The following PLCB1 variants were observed in gnomAD, a reference collection of about 807,000 sequenced individuals.
The protein encoded by PLCB1 is 1-phosphatidylinositol 4,5-bisphosphate phosphodiesterase beta-1.
In PLCB1, 46 loss-of-function variants were observed where a neutral mutation model predicts 161.8. That is an observed-to-expected ratio of 0.28 (90% CI 0.22 to 0.36). The LOEUF is 0.36. Among genes scored for constraint, PLCB1 ranks in the 10% least tolerant of loss-of-function variants. PLCB1 has a pLI of 1.00. For missense variants in PLCB1, 1,016 were observed against 1,472.5 expected (o/e 0.69, Z 5.07); for synonymous variants, 517 against 503.7 (o/e 1.03, Z -0.35).
intron 3 of PLCB1, among the ~76,000 whole-genome samples, chr20:8,470,969 GA>G (rs1236765516): frequency 6.6e-6 from 1 of 151,390 alleles, no homozygotes; most frequent in Non-Finnish European, 1.5e-5. Context: ...ATTGCAATGA[GA>G]AAAAAAAGAA....
intron 31 of PLCB1, among the ~76,000 whole-genome samples, chr20:8,829,095 G>A (rs1208684581): frequency 6.6e-6 from 1 of 152,136 alleles, no homozygotes. Flanking sequence ...GTATATGGGT[G>A]TCCACTGTAA....
intron 2 of PLCB1, among the ~76,000 whole-genome samples, chr20:8,297,877 T>C (rs978665063): frequency 2.0e-5 from 3 of 149,466 alleles, no homozygotes; most frequent in African/African-American, 7.4e-5. Context: ...ACCACCTTAG[T>C]AGATTTCTTT....
At chr20:8,805,229 A>G (rs1285506542) in intron 31 of PLCB1, among the ~76,000 whole-genome samples, 2 of 152,180 alleles carry the variant, frequency 1.3e-5, no homozygotes, top group Non-Finnish European at 2.9e-5. Flanking sequence ...TAAGTAGGTG[A>G]GTTATACTTT....
At chr20:8,668,108 A>G (rs1989858677) in intron 9 of PLCB1, among the ~76,000 whole-genome samples, 1 of 152,036 alleles carries the variant, frequency 6.6e-6, no homozygotes. Flanking sequence ...AATGTGATAC[A>G]ACAGATAAGT....
At chr20:8,303,264 G>A (rs189148883) in intron 2 of PLCB1, among the ~76,000 whole-genome samples, 4 of 152,172 alleles carry the variant, frequency 2.6e-5, no homozygotes, top group African/African-American at 9.7e-5. Context: ...TAAAGGTCAT[G>A]ATTTTATCTC....
intron 3 of PLCB1, among the ~76,000 whole-genome samples, chr20:8,553,808 C>G (rs1351118494): frequency 6.6e-6 from 1 of 151,956 alleles, no homozygotes; most frequent in East Asian, 1.9e-4. Context: ...CAAGACCATC[C>G]TAGCCAACGT....
chr20:8,200,088 A>C (rs1315566046), intron 2 of PLCB1, among the ~76,000 whole-genome samples: 2 of 151,948 alleles, frequency 1.3e-5, no homozygotes, highest in African/African-American at 4.8e-5. Context: ...ATTCATTGTC[A>C]CTCATTTGCA....
At chr20:8,758,040 C>T (rs956746961) in intron 24 of PLCB1, among the ~76,000 whole-genome samples, 1 of 151,594 alleles carries the variant, frequency 6.6e-6, no homozygotes, top group Non-Finnish European at 1.5e-5. Context: ...CTCCTCTGTA[C>T]ATCACACAGT....
intron 11 of PLCB1, among the ~76,000 whole-genome samples, chr20:8,704,526 A>G (rs542930702): frequency 1.3e-5 from 2 of 152,346 alleles, no homozygotes; most frequent in African/African-American, 4.8e-5. Context: ...ACAAAATTAC[A>G]TTTATCTTTG....
At chr20:8,858,152 C>T (rs35900117) in intron 31 of PLCB1, among the ~76,000 whole-genome samples, 20,204 of 152,060 alleles carry the variant, frequency 0.13, 1,580 homozygotes, top group South Asian at 0.23. Context: ...TTAACTACCC[C>T]AGGATCTGAA....
intron 2 of PLCB1, among the ~76,000 whole-genome samples, chr20:8,353,086 C>G (rs1424320248): frequency 2.6e-5 from 4 of 152,032 alleles, no homozygotes; most frequent in Non-Finnish European, 5.9e-5. Flanking sequence ...ATAAAAGGAA[C>G]TAGGGCTCTT....
chr20:8,732,304 T>A (rs892991037), intron 18 of PLCB1: 1 of 152,060 alleles, frequency 6.6e-6, no homozygotes, highest in African/African-American at 2.4e-5. Flanking sequence ...CTTAGTAGTA[T>A]AAGCTGGTTT....
At chr20:8,800,896 A>G (rs1250130363) in intron 31 of PLCB1, among the ~76,000 whole-genome samples, 1 of 152,138 alleles carries the variant, frequency 6.6e-6, no homozygotes, top group African/African-American at 2.4e-5. Context: ...CAATCACTTT[A>G]GTCAAAGCCT....
chr20:8,850,025 G>A (rs1325607662), intron 31 of PLCB1, among the ~76,000 whole-genome samples: 2 of 152,088 alleles, frequency 1.3e-5, no homozygotes, highest in Non-Finnish European at 2.9e-5. Flanking sequence ...ATAAAAAAAA[G>A]AACGAAGCAG....
intron 11 of PLCB1, among the ~76,000 whole-genome samples, chr20:8,707,876 T>C (rs1372852609): frequency 6.6e-6 from 1 of 152,216 alleles, no homozygotes; most frequent in African/African-American, 2.4e-5. Flanking sequence ...TGTTACAACA[T>C]GGATGAACTT....
chr20:8,660,255 C>A (rs1044252916), intron 9 of PLCB1, among the ~76,000 whole-genome samples: 1 of 152,030 alleles, frequency 6.6e-6, no homozygotes, highest in African/African-American at 2.4e-5. Flanking sequence ...AAATAGGTTG[C>A]CCTTCCTTCC....
intron 2 of PLCB1, among the ~76,000 whole-genome samples, chr20:8,316,597 AC>A: frequency 6.6e-6 from 1 of 151,520 alleles, no homozygotes; most frequent in East Asian, 1.9e-4. Flanking sequence ...TACCCCAACT[AC>A]TCCCTTCCAT....
chr20:8,565,074 C>T (rs1986280264), intron 3 of PLCB1, among the ~76,000 whole-genome samples: 1 of 152,254 alleles, frequency 6.6e-6, no homozygotes, highest in African/African-American at 2.4e-5. Flanking sequence ...ATAGCAAAGA[C>T]TTGGAACCAA....
intron 1 of PLCB1, among the ~76,000 whole-genome samples, chr20:8,137,915 G>GAAC (rs1306461357): frequency 5.9e-5 from 9 of 152,100 alleles, no homozygotes; most frequent in Non-Finnish European, 1.3e-4. Context: ...TGATCCTCTT[G>GAAC]AACAACAGCA....
Sources: gnomAD v4.1 joint callset for allele counts (sites outside exome capture counted in the v4.1 genomes callset) on GRCh38, gnomAD v4.1.1 for gene constraint, MANE v1.5 for transcripts, NCBI Gene and HGNC (gene_info 2026-07-23, HGNC 2026-07-21) for gene names.